MYO16: variants seen among roughly 807,000 people sequenced by gnomAD.
MYO16 encodes the protein unconventional myosin-XVI.
Under a neutral mutation model 205.3 loss-of-function variants are expected in MYO16, and 94 were observed. That is an observed-to-expected ratio of 0.46 (90% CI 0.39 to 0.54). The LOEUF is 0.54. MYO16 is among the 20% of genes least tolerant of loss of function. The pLI is 0.00. For synonymous variants in MYO16, 988 were observed against 954.0 expected, an observed-to-expected ratio of 1.04 and a Z score of -0.66; for missense variants, 2,315 against 2,387.5, an observed-to-expected ratio of 0.97 and a Z score of 0.63.
intron 3 of MYO16, among the ~76,000 whole-genome samples, chr13:108,724,598 T>C (rs910787086): frequency 6.6e-6 from 1 of 152,158 alleles, no homozygotes; most frequent in African/African-American, 2.4e-5. Context: ...TCTTTAGGTT[T>C]GAGTATTTTT....
intron 12 of MYO16, among the ~76,000 whole-genome samples, chr13:108,874,257 T>G (rs760053134): frequency 6.6e-6 from 1 of 151,948 alleles, no homozygotes; most frequent in Non-Finnish European, 1.5e-5. Flanking sequence ...GGGCAAATCT[T>G]AAAAAATTAG....
chr13:108,950,213 T>C (rs1387758511), intron 16 of MYO16, among the ~76,000 whole-genome samples: 3 of 151,348 alleles, frequency 2.0e-5, no homozygotes, highest in South Asian at 4.3e-4. Flanking sequence ...AATTTAAAAC[T>C]CTTATTCAGA....
chr13:108,845,373 G>T (rs1237407209), intron 10 of MYO16, among the ~76,000 whole-genome samples: 1 of 152,148 alleles, frequency 6.6e-6, no homozygotes, highest in African/African-American at 2.4e-5. Context: ...ATTTCTCACA[G>T]TCGTGGAGGC....
chr13:108,937,355 T>C (rs1380582604), intron 16 of MYO16, among the ~76,000 whole-genome samples: 1 of 152,168 alleles, frequency 6.6e-6, no homozygotes, highest in Non-Finnish European at 1.5e-5. Flanking sequence ...GTGTTGTTCA[T>C]TTTATATAAT....
At chr13:108,894,567 T>C (rs1015063212) in intron 14 of MYO16, among the ~76,000 whole-genome samples, 2 of 152,130 alleles carry the variant, frequency 1.3e-5, no homozygotes, top group African/African-American at 4.8e-5. Flanking sequence ...ATCTAGTAAG[T>C]GAGAGAGTGC....
intron 1 of MYO16, among the ~76,000 whole-genome samples, chr13:108,607,537 C>T (rs984384689): frequency 6.6e-6 from 1 of 152,194 alleles, no homozygotes; most frequent in Non-Finnish European, 1.5e-5. Context: ...CTTCTGCCAT[C>T]ATTGTACATT....
chr13:108,557,821 C>A, the MYO16 span, among the ~76,000 whole-genome samples: 1 of 151,970 alleles, frequency 6.6e-6, no homozygotes, highest in Non-Finnish European at 1.5e-5. Context: ...AGGGGTTATG[C>A]AAATAAAAAT....
intron 20 of MYO16, among the ~76,000 whole-genome samples, chr13:108,980,875 A>G (rs999783001): frequency 6.6e-6 from 1 of 152,180 alleles, no homozygotes. Flanking sequence ...GACATTAGCT[A>G]TGAGGTTGGC....
intron 1 of MYO16, among the ~76,000 whole-genome samples, chr13:108,614,439 A>G (rs972598869): frequency 7.9e-5 from 12 of 152,074 alleles, no homozygotes; most frequent in Non-Finnish European, 1.2e-4. Context: ...TATTAAAACT[A>G]TAGCTGGACT....
intron 28 of MYO16, among the ~76,000 whole-genome samples, chr13:109,102,168 A>T (rs1434757878): frequency 1.3e-5 from 2 of 152,080 alleles, no homozygotes; most frequent in African/African-American, 2.4e-5. Context: ...CTCAGTCTGA[A>T]GTTGTCAGTG....
At chr13:108,796,161 G>C (rs922307967) in intron 6 of MYO16, among the ~76,000 whole-genome samples, 21 of 152,292 alleles carry the variant, frequency 1.4e-4, no homozygotes, top group Non-Finnish European at 2.9e-4. Flanking sequence ...GCATGGGATG[G>C]GAAGACAGTG....
chr13:108,886,232 C>T (rs1879874577), intron 13 of MYO16, among the ~76,000 whole-genome samples: 1 of 152,144 alleles, frequency 6.6e-6, no homozygotes, highest in African/African-American at 2.4e-5. Flanking sequence ...TGTGATCCGC[C>T]CACCACAGCC....
At chr13:108,741,677 G>A (rs1400891741) in intron 4 of MYO16, among the ~76,000 whole-genome samples, 1 of 152,148 alleles carries the variant, frequency 6.6e-6, no homozygotes, top group Non-Finnish European at 1.5e-5. Flanking sequence ...ATATTACCAA[G>A]TAAGTAAATC....
chr13:108,889,103 T>C (rs963312699), intron 14 of MYO16, among the ~76,000 whole-genome samples: 1 of 152,004 alleles, frequency 6.6e-6, no homozygotes, highest in Non-Finnish European at 1.5e-5. Context: ...TTAGGACATT[T>C]TGGGGAGCTG....
intron 4 of MYO16, among the ~76,000 whole-genome samples, chr13:108,744,269 A>C (rs1441849195): frequency 8.7e-6 from 1 of 114,610 alleles, no homozygotes; most frequent in Non-Finnish European, 2.1e-5. Context: ...TTCCATTCTT[A>C]AAGAGGTGTT....
chr13:108,553,421 T>C, the MYO16 span, among the ~76,000 whole-genome samples: 1 of 152,062 alleles, frequency 6.6e-6, no homozygotes, highest in African/African-American at 2.4e-5. Flanking sequence ...AAGACCCAAT[T>C]CTCGCATCCC....
chr13:108,777,690 T>C (rs1886167562), intron 4 of MYO16, among the ~76,000 whole-genome samples: 1 of 152,202 alleles, frequency 6.6e-6, no homozygotes, highest in South Asian at 2.1e-4. Context: ...CTCCCTCAAC[T>C]GCCAGAGCCA....
rs1876291073 is a variant in MYO16 at position 109,127,130 on chromosome 13, A to G, written c.3783-152A>G. 3.9e-6 allele frequency: 4 copies of G among 1,038,608 alleles called. No individual in the cohort carries two copies. Among genetic ancestry groups the G allele is most frequent in the Non-Finnish European group, 5.3e-6 (4 of 750,370 alleles). 64.3% of individuals were successfully genotyped at this position (1,038,608 alleles called of 1,614,324 possible). On this transcript the variant is annotated intron_variant, in intron 30 of 34. Coordinates refer to ENST00000457511, the MANE Select transcript of MYO16 (RefSeq NM_001198950.3). This position sits in a 1 kb window ranked among gnomAD's most constrained non-coding sequence, Gnocchi z 4.2. ...GTGGCCTTCTCTGGACCAACTGGTC[A>G]CCAGAGGGCTGCACACGTCCTCCAG...
chr13:109,127,791 A>G lies in MYO16; in HGVS notation c.4051+241A>G, dbSNP rs1876337347. On this transcript the variant is annotated intron_variant, in intron 31 of 34. Coordinates refer to ENST00000457511, the MANE Select transcript of MYO16 (RefSeq NM_001198950.3). The surrounding 1 kb of genome is among the most constrained non-coding windows in gnomAD (Gnocchi z 4.2). ...TAACTCCCATCCCCACCCTGCCTCC[A>G]AAGAGCAGTATCAAATCAATTCAGA... Among the ~76,000 whole-genome samples, 1 of 151,716 alleles carries G rather than the reference A, an allele frequency of 6.6e-6. No homozygotes were observed. The highest frequency in any genetic ancestry group is 1.5e-5 in the Non-Finnish European group (1 of 67,962).
Sources: gnomAD v4.1 joint callset for allele counts (sites outside exome capture counted in the v4.1 genomes callset) on GRCh38, gnomAD v4.1.1 for gene constraint, Gnocchi (gnomAD v3.1) non-coding constraint, MANE v1.5 for transcripts, NCBI Gene and HGNC (gene_info 2026-07-23, HGNC 2026-07-21) for gene names.